OCA2: variants seen among roughly 807,000 people sequenced by gnomAD.
The protein encoded by OCA2 is OCA2 melanosomal transmembrane protein, also known as P protein.
In OCA2, 77 loss-of-function variants were observed where a neutral mutation model predicts 100.2. The observed-to-expected ratio is 0.77, with a 90% CI of 0.64 to 0.93. The LOEUF is 0.93. OCA2 is among the 40% of genes least tolerant of loss of function. The pLI is 0.00. For missense variants in OCA2, 1,062 were observed against 1,089.1 expected, an observed-to-expected ratio of 0.98 and a Z score of 0.35; for synonymous variants, 432 against 439.2, an observed-to-expected ratio of 0.98 and a Z score of 0.21.
chr15:28,059,830 G>A (rs971277238), intron 2 of OCA2, among the ~76,000 whole-genome samples: 4 of 152,108 alleles, frequency 2.6e-5, no homozygotes, highest in Non-Finnish European at 5.9e-5. Flanking sequence ...ATAACCGGCC[G>A]CTAGTCCCCT....
intron 23 of OCA2, among the ~76,000 whole-genome samples, chr15:27,796,296 T>C (rs554140220): frequency 5.2e-5 from 8 of 152,384 alleles, no homozygotes; most frequent in African/African-American, 1.7e-4. Flanking sequence ...GGCTTAGACA[T>C]GGGCAGAGAG....
chr15:28,088,416 G>A (rs972130686), intron 1 of OCA2, among the ~76,000 whole-genome samples: 1 of 152,180 alleles, frequency 6.6e-6, no homozygotes, highest in Non-Finnish European at 1.5e-5. Flanking sequence ...TCAGTAGACT[G>A]TGACAAGTAA....
At chr15:27,953,369 C>A (rs1221486170) in intron 17 of OCA2, among the ~76,000 whole-genome samples, 3 of 152,184 alleles carry the variant, frequency 2.0e-5, no homozygotes, top group African/African-American at 7.2e-5. Context: ...CCCTCCCTGC[C>A]CACCGTGAAG....
rs558377372 is a variant in OCA2 at position 28,008,929 on chromosome 15, C to T, written c.1044+5847G>A. Among the ~76,000 whole-genome samples the T allele has an allele frequency of 6.6e-5, 10 of 152,336 alleles. No homozygotes were observed. The East Asian group carries it at 9.6e-4, about 15-fold the overall frequency. The stretch of plus-strand genomic sequence containing the variant: ...ACAGCAGTGGCACAGCCTAAGCATG[C>T]CTGCCTGCAGAATCTAGAGACCTCC... On this transcript the variant is annotated intron_variant, in intron 9 of 23. Transcript: ENST00000354638.
chr15:27,813,154 G>T (rs2034147014), intron 23 of OCA2, among the ~76,000 whole-genome samples: 1 of 152,166 alleles, frequency 6.6e-6, no homozygotes, highest in Admixed American at 6.5e-5. Context: ...TCTGGGGGTG[G>T]CATTGCCTCA....
intron 4 of OCA2, among the ~76,000 whole-genome samples, chr15:28,027,212 T>G (rs1413813440): frequency 1.3e-5 from 2 of 152,176 alleles, no homozygotes; most frequent in Non-Finnish European, 2.9e-5. Context: ...ATGCGCGCCC[T>G]AGGCCTACAC....
At chr15:27,924,592 T>C (rs989034859) in intron 19 of OCA2, among the ~76,000 whole-genome samples, 17 of 152,172 alleles carry the variant, frequency 1.1e-4, no homozygotes, top group African/African-American at 3.6e-4. Context: ...TAAGTTAGTA[T>C]TAATCCAGCA....
chr15:28,027,014 G>A (rs571263720), intron 4 of OCA2, among the ~76,000 whole-genome samples: 3 of 152,318 alleles, frequency 2.0e-5, no homozygotes, highest in South Asian at 2.1e-4. Flanking sequence ...ACTTCAGGTC[G>A]GATCCAGAAT....
chr15:27,969,928 T>C (rs1464186053), intron 14 of OCA2, among the ~76,000 whole-genome samples: 1 of 151,832 alleles, frequency 6.6e-6, no homozygotes. Context: ...AAGCTTCTTA[T>C]GAAGTGTTTA....
chr15:27,766,015 G>A (rs2031231852), intron 23 of OCA2, among the ~76,000 whole-genome samples: 1 of 152,178 alleles, frequency 6.6e-6, no homozygotes, highest in Non-Finnish European at 1.5e-5. Flanking sequence ...TTAAGATGGA[G>A]TCAACCCCTA....
At chr15:28,037,319 G>C (rs1461045471) in intron 2 of OCA2, among the ~76,000 whole-genome samples, 2 of 152,014 alleles carry the variant, frequency 1.3e-5, no homozygotes, top group East Asian at 3.9e-4. Context: ...GTCTGTAACA[G>C]GAAGGACCCC....
intron 18 of OCA2, among the ~76,000 whole-genome samples, chr15:27,927,784 C>CT (rs34037519): frequency 0.053 from 3,650 of 69,186 alleles, 320 homozygotes; most frequent in African/African-American, 0.16. Context: ...CTTTGAGCAT[C>CT]TTTTTTTTTT....
At chr15:27,850,985 A>G (rs143143614) in intron 22 of OCA2, among the ~76,000 whole-genome samples, 1 of 152,240 alleles carries the variant, frequency 6.6e-6, no homozygotes, top group East Asian at 1.9e-4. Flanking sequence ...TCCCACTCTT[A>G]TGGGTTAGAG....
At chr15:28,078,943 A>T (rs1470966912) in intron 2 of OCA2, among the ~76,000 whole-genome samples, 1 of 152,162 alleles carries the variant, frequency 6.6e-6, no homozygotes, top group Non-Finnish European at 1.5e-5. Context: ...TGACCCAAGA[A>T]ATTGCACCTG....
intron 23 of OCA2, among the ~76,000 whole-genome samples, chr15:27,818,199 G>T (rs1021180040): frequency 6.6e-6 from 1 of 152,108 alleles, no homozygotes; most frequent in Non-Finnish European, 1.5e-5. Flanking sequence ...AGATCAGCCC[G>T]GCTAACATGG....
chr15:27,955,423 A>G (rs1567152808), intron 16 of OCA2, among the ~76,000 whole-genome samples: 1 of 152,110 alleles, frequency 6.6e-6, no homozygotes. Context: ...ACATATAATG[A>G]CCTGAATGAT....
At chr15:27,964,831 T>G (rs536632831) in intron 15 of OCA2, among the ~76,000 whole-genome samples, 28 of 152,260 alleles carry the variant, frequency 1.8e-4, no homozygotes, top group African/African-American at 6.3e-4. Flanking sequence ...CACCCCACCT[T>G]GCACTGCTGG....
At chr15:27,783,930 T>G (rs947566314) in intron 23 of OCA2, among the ~76,000 whole-genome samples, 3 of 152,030 alleles carry the variant, frequency 2.0e-5, no homozygotes, top group African/African-American at 7.2e-5. Flanking sequence ...ACCCACTGCC[T>G]CCAGGGGAAG....
intron 18 of OCA2, among the ~76,000 whole-genome samples, chr15:27,934,573 T>C (rs1320341550): frequency 6.6e-6 from 1 of 152,226 alleles, no homozygotes; most frequent in East Asian, 1.9e-4. Context: ...TTGTTTTCTC[T>C]GCTATATAGC....
Sources: allele counts gnomAD v4.1 joint callset (sites outside exome capture counted in the v4.1 genomes callset), GRCh38; gene constraint gnomAD v4.1.1; transcripts MANE v1.5; gene names NCBI Gene and HGNC (gene_info 2026-07-23, HGNC 2026-07-21).